The following PLAGL1 variants were observed in gnomAD, a reference collection of about 807,000 sequenced individuals.
PLAGL1 encodes the protein zinc finger protein PLAGL1.
Under a neutral mutation model 4.6 loss-of-function variants are expected in PLAGL1, and 1 was observed. That is an observed-to-expected ratio of 0.22 (90% CI 0.08 to 1.03). The LOEUF (loss-of-function observed/expected upper bound fraction) is 1.03, where lower values mean the gene tolerates loss of function less well. Among genes scored for constraint, PLAGL1 ranks in the 50% least tolerant of loss-of-function variants. The pLI is 0.58. For synonymous variants in PLAGL1, 240 were observed against 237.8 expected (o/e 1.01, Z -0.08); for missense variants, 464 against 570.4 (o/e 0.81, Z 1.90).
In PLAGL1 at chr6:143,963,141, G is replaced by A. The variant is rs552773937; in HGVS notation, c.-399+1646C>T. On this transcript the variant is annotated intron_variant, in intron 5 of 7. Coordinates refer to ENST00000674357, the MANE Select transcript of PLAGL1 (RefSeq NM_001317162.2). This position sits in a 1 kb window ranked among gnomAD's most constrained non-coding sequence, Gnocchi z 6.1. ...GAAGGGGTTGCTGGAAGTTGGAATAGATTTGTGGGCCTGGCAGCTGGTCTT... is the reference window on the plus strand; with the variant it reads ...GAAGGGGTTGCTGGAAGTTGGAATAAATTTGTGGGCCTGGCAGCTGGTCTT... 6.6e-6 allele frequency among the ~76,000 whole-genome samples: 1 copy of A among 152,190 alleles called. No individual in the cohort carries two copies. Among genetic ancestry groups the A allele is most frequent in the South Asian group, 2.1e-4 (1 of 4,836 alleles).
At chr6:144,023,768 CTTTTTTT>C (rs34002736) in intron 1 of PLAGL1, among the ~76,000 whole-genome samples, 3 of 72,664 alleles carry the variant, frequency 4.1e-5, no homozygotes, top group Non-Finnish European at 7.7e-5. Flanking sequence ...TCATATTTAG[CTTTTTTT>C]TTTTTTTTTT....
chr6:143,974,649 G>A lies in PLAGL1; in HGVS notation c.-543-5671C>T, dbSNP rs139607422. On this transcript the variant is annotated intron_variant, in intron 2 of 7. Coordinates refer to ENST00000674357, the MANE Select transcript of PLAGL1 (RefSeq NM_001317162.2). ...GCTAACTCTGGCATTGACTTGCTTTGGGCCTAGGGGACACATTTAACCCCT... is the reference window on the plus strand; with the variant it reads ...GCTAACTCTGGCATTGACTTGCTTTAGGCCTAGGGGACACATTTAACCCCT... Among the ~76,000 whole-genome samples, 566 of 152,150 alleles carry A rather than the reference G, an allele frequency of 3.7e-3. 1 individual carries two copies. The highest frequency in any genetic ancestry group is 0.012 in the African/African-American group (498 of 41,498).
In PLAGL1 at chr6:143,989,983, T is replaced by C. The variant is rs566068357; in HGVS notation, c.-583-4809A>G. The stretch of plus-strand genomic sequence containing the variant: ...ATCTCTAAACTCAGAAACTTCCCCA[T>C]ATCCACAGGAGGATGCACCCTCCCT... On this transcript the variant is annotated intron_variant, in intron 1 of 7. Transcript: ENST00000674357. The surrounding 1 kb of genome is among the most constrained non-coding windows in gnomAD (Gnocchi z 4.8). Among the ~76,000 whole-genome samples, 9 of 152,274 alleles carry C rather than the reference T, an allele frequency of 5.9e-5. 1 individual carries two copies. In the South Asian group the frequency reaches 1.9e-3, roughly 32 times the overall value.
rs555632668 is a variant in PLAGL1, at chr6:144,051,345, C to G, written c.-151+13123G>C. ...ATATTTAGATGCCAAACAGCTTCTC[C>G]TAGCACTTTCCTCACACTAATTCTA... On this transcript the variant is annotated intron_variant, in intron 1 of 3. Coordinates refer to the PLAGL1 transcript ENST00000437412. Among the ~76,000 whole-genome samples the G allele has an allele frequency of 2.4e-4, 36 of 152,348 alleles. No homozygotes were observed. In the South Asian group the frequency reaches 6.4e-3, roughly 27 times the overall value.
Position 143,941,476 on chromosome 6 carries a change from G to A in PLAGL1, c.1340C>T (p.Ser447Leu). Residue 447 changes from serine to leucine, a missense_variant, in exon 8 of 8, where the codon TCA (serine) becomes TTA (leucine). Physicochemically the swap from Ser to Leu is moderately radical, Grantham distance 145 (BLOSUM62 -2). Transcript: ENST00000674357. This position sits in a 1 kb window ranked among gnomAD's most constrained non-coding sequence, Gnocchi z 6.0. ...CAGGATGGCAGAGCCAGTGCCAGCT[G>A]AGAACACATGAGGGATGGGGGGCAG... ...LPLPPIPHVF[S>L]AGTGSAILPH... 1 of 1,514,954 alleles carries A rather than the reference G, an allele frequency of 6.6e-7. No homozygotes were observed. Among genetic ancestry groups the A allele is most frequent in the Non-Finnish European group, 8.8e-7 (1 of 1,132,464 alleles). The allele number at this position is 1,514,954 out of a possible 1,614,324, so 93.8% of individuals were successfully genotyped here.
rs552756888 is a variant in PLAGL1, at chr6:144,034,083, A to C, written c.-151+30385T>G. On this transcript the variant is annotated intron_variant, in intron 1 of 3. Coordinates refer to the PLAGL1 transcript ENST00000437412. This position sits in a 1 kb window ranked among gnomAD's most constrained non-coding sequence, Gnocchi z 4.7. Reference sequence around the variant, plus strand: ...TAGTACATATAAAACTGCAGACTTCAATTTTCCTGGAGTCTTTTATACTGT... The same window carrying C: ...TAGTACATATAAAACTGCAGACTTCCATTTTCCTGGAGTCTTTTATACTGT... Among the ~76,000 whole-genome samples, 1 of 152,326 alleles carries C rather than the reference A, an allele frequency of 6.6e-6. No individual in the cohort carries two copies. The highest frequency in any genetic ancestry group is 2.1e-4 in the South Asian group (1 of 4,830).
Position 144,008,026 on chromosome 6 carries a change from G to C in PLAGL1, c.-584+64C>G, listed in dbSNP as rs1196203446. 3 of 151,834 alleles carry C rather than the reference G, an allele frequency of 2.0e-5. No individual in the cohort carries two copies. The highest frequency in any genetic ancestry group is 2.1e-4 in the South Asian group (1 of 4,838). 9.4% of individuals were successfully genotyped at this position (151,834 alleles called of 1,614,324 possible). ...GAACCCAGCGCCGTCCTCGCAGCGC[G>C]GCAATGCACGGCCACCGCTGCCCCC... is the stretch of plus-strand genomic sequence containing the variant. On this transcript the variant is annotated intron_variant, in intron 1 of 7. Coordinates refer to ENST00000674357, the MANE Select transcript of PLAGL1 (RefSeq NM_001317162.2). The surrounding 1 kb of genome is among the most constrained non-coding windows in gnomAD (Gnocchi z 6.9).
At position 143,968,212 on chromosome 6, in the gene PLAGL1, A is replaced by C. The variant is rs1391079207; in HGVS notation, c.-472+695T>G. Reference sequence around the variant, plus strand: ...TATCTTGAAATAGGCAGTTCAAACAAATCCTAATCTTTACATGAGTGATAG... The same window carrying C: ...TATCTTGAAATAGGCAGTTCAAACACATCCTAATCTTTACATGAGTGATAG... On this transcript the variant is annotated intron_variant, in intron 3 of 7. Coordinates refer to ENST00000674357, the MANE Select transcript of PLAGL1 (RefSeq NM_001317162.2). This position sits in a 1 kb window ranked among gnomAD's most constrained non-coding sequence, Gnocchi z 6.3. 6.6e-6 allele frequency: 1 copy of C among 152,206 alleles called. No individual in the cohort carries two copies. Among genetic ancestry groups the C allele is most frequent in the Non-Finnish European group, 1.5e-5 (1 of 68,042 alleles). The allele number at this position is 152,206 out of a possible 1,614,324, so 9.4% of individuals were successfully genotyped here.
intron 1 of PLAGL1, among the ~76,000 whole-genome samples, chr6:144,044,924 T>C (rs1798014365): frequency 6.6e-6 from 1 of 151,598 alleles, no homozygotes; most frequent in African/African-American, 2.4e-5. Context: ...TACCATTATG[T>C]AATGGCCTTC....
chr6:143,948,092 G>A lies in PLAGL1; in HGVS notation c.45C>T (p.Thr15=), dbSNP rs772513575. Residue 15 remains threonine (T), a synonymous_variant, in exon 7 of 8, where the codon ACC becomes ACT. Coordinates refer to ENST00000674357, the MANE Select transcript of PLAGL1 (RefSeq NM_001317162.2). The surrounding 1 kb of genome is among the most constrained non-coding windows in gnomAD (Gnocchi z 6.0). Reference sequence around the variant, plus strand: ...AATTGTGAATCGTGAACTTCTCCAGGGTGAGGAACGTCTTGCCACATAACT... The same window carrying A: ...AATTGTGAATCGTGAACTTCTCCAGAGTGAGGAACGTCTTGCCACATAACT... ...PCQLCGKTFL[T]LEKFTIHNYS... 1.2e-6 allele frequency: 2 copies of A among 1,613,798 alleles called. No homozygotes were observed. Among genetic ancestry groups the A allele is most frequent in the African/African-American group, 1.3e-5 (1 of 74,900 alleles).
Position 144,000,028 on chromosome 6 carries a change from G to A in PLAGL1, c.-584+8062C>T, listed in dbSNP as rs1792500541. Reference sequence around the variant, plus strand: ...CATGGCAGCAGAGGAGCAGAACTAGGAATTGAATGCAAGCAATCTGGCTTC... The same window carrying A: ...CATGGCAGCAGAGGAGCAGAACTAGAAATTGAATGCAAGCAATCTGGCTTC... On this transcript the variant is annotated intron_variant, in intron 1 of 7. Coordinates refer to ENST00000674357, the MANE Select transcript of PLAGL1 (RefSeq NM_001317162.2). The surrounding 1 kb of genome is among the most constrained non-coding windows in gnomAD (Gnocchi z 4.1). 6.6e-6 allele frequency among the ~76,000 whole-genome samples: 1 copy of A among 152,094 alleles called. No homozygotes were observed. Among genetic ancestry groups the A allele is most frequent in the Non-Finnish European group, 1.5e-5 (1 of 67,972 alleles).
chr6:144,057,329 GCTTTTACTT>G (rs2128729295), intron 1 of PLAGL1, among the ~76,000 whole-genome samples: 1 of 152,308 alleles, frequency 6.6e-6, no homozygotes, highest in East Asian at 1.9e-4. Flanking sequence ...GAAATGTAAT[GCTTTTACTT>G]CTCCTAAACA....
rs1794296686 is a variant in PLAGL1, at chr6:144,006,787, C to A, written c.-584+1303G>T. 6.6e-6 allele frequency: 1 copy of A among 152,122 alleles called. No homozygotes were observed. The highest frequency in any genetic ancestry group is 6.5e-5 in the Admixed American group (1 of 15,280). The allele number at this position is 152,122 out of a possible 1,614,324, so 9.4% of individuals were successfully genotyped here. On this transcript the variant is annotated intron_variant, in intron 1 of 7. Transcript: ENST00000674357. The surrounding 1 kb of genome is among the most constrained non-coding windows in gnomAD (Gnocchi z 4.3). Reference sequence around the variant, plus strand: ...GACATGTATTAAAATTTATCTAGGGCAGTGGCTTTCAAACTTTTTTGTCCA... The same window carrying A: ...GACATGTATTAAAATTTATCTAGGGAAGTGGCTTTCAAACTTTTTTGTCCA...
intron 1 of PLAGL1, among the ~76,000 whole-genome samples, chr6:144,001,096 G>A (rs1792757197): frequency 6.6e-6 from 1 of 151,928 alleles, no homozygotes; most frequent in African/African-American, 2.4e-5. Flanking sequence ...TTGGAGAAAT[G>A]GCTGATTCTA....
intron 1 of PLAGL1, among the ~76,000 whole-genome samples, chr6:143,992,065 G>A (rs546194669): frequency 4.6e-5 from 7 of 152,318 alleles, no homozygotes; most frequent in African/African-American, 9.6e-5. Context: ...TTTGGACTTC[G>A]TTGGTTAGCT....
chr6:143,941,780 T>A lies in PLAGL1; in HGVS notation c.1036A>T (p.Asn346Tyr), dbSNP rs1356667674. Residue 346 changes from asparagine to tyrosine, a missense_variant, in exon 8 of 8, where the codon AAC (asparagine) becomes TAC (tyrosine). By Grantham distance (143) the Asn-to-Tyr change is moderately radical. Around this residue, in one of 4 missense-constraint regions of PLAGL1, gnomAD observed 248 missense variants for 250.1 expected, o/e 0.99. Coordinates refer to ENST00000674357, the MANE Select transcript of PLAGL1 (RefSeq NM_001317162.2). This position sits in a 1 kb window ranked among gnomAD's most constrained non-coding sequence, Gnocchi z 6.0. ...LQEPQSPQKL[N>Y]PGFDLAKGNA... ...CCCTTAGCCAGATCAAAACCTGGGT[T>A]GAGCTTTTGAGGTGACTGAGGCTCT... 1.2e-6 allele frequency: 2 copies of A among 1,614,094 alleles called. No individual in the cohort carries two copies. The highest frequency in any genetic ancestry group is 1.7e-5 in the Admixed American group (1 of 60,028).
chr6:144,034,588 G>A lies in PLAGL1; in HGVS notation c.-151+29880C>T, dbSNP rs1438279009. ...TAATTCAGTCCTCCAGCAAAGAAAA[G>A]TGGGAGGCCCCGACAAATTGTCATT... On this transcript the variant is annotated intron_variant, in intron 1 of 3. Transcript: ENST00000437412. The surrounding 1 kb of genome is among the most constrained non-coding windows in gnomAD (Gnocchi z 4.7). 1.3e-5 allele frequency among the ~76,000 whole-genome samples: 2 copies of A among 152,210 alleles called. No homozygotes were observed. Among genetic ancestry groups the A allele is most frequent in the Admixed American group, 6.5e-5 (1 of 15,286 alleles).
chr6:143,965,677 G>C lies in PLAGL1; in HGVS notation c.-431+481C>G, dbSNP rs541633918. Reference sequence around the variant, plus strand: ...CACAAGGCAAGGAACACGGAAGCTAGGGTGTGTTGGGCAAGTAAGCAGAGG... The same window carrying C: ...CACAAGGCAAGGAACACGGAAGCTACGGTGTGTTGGGCAAGTAAGCAGAGG... On this transcript the variant is annotated intron_variant, in intron 4 of 7. Transcript: ENST00000674357. The surrounding 1 kb of genome is among the most constrained non-coding windows in gnomAD (Gnocchi z 7.5). 8.5e-5 allele frequency: 13 copies of C among 152,386 alleles called. No homozygotes were observed. Among genetic ancestry groups the C allele is most frequent in the African/African-American group, 3.1e-4 (13 of 41,556 alleles). 9.4% of individuals were successfully genotyped at this position (152,386 alleles called of 1,614,324 possible). A position where few individuals can be genotyped will look rare whatever the true frequency, so the allele number is the denominator to read the frequency against.
chr6:144,002,513 T>TAAAAAC (rs753500510), intron 1 of PLAGL1, among the ~76,000 whole-genome samples: 2 of 151,972 alleles, frequency 1.3e-5, no homozygotes, highest in Admixed American at 1.3e-4. Flanking sequence ...GACAGCACAT[T>TAAAAAC]AAAAACAAAA....
Sources: allele counts gnomAD v4.1 joint callset (sites outside exome capture counted in the v4.1 genomes callset), GRCh38; gene constraint gnomAD v4.1.1; regional missense constraint gnomAD v4.1.1; non-coding constraint Gnocchi (gnomAD v3.1); transcripts MANE v1.5; gene names NCBI Gene and HGNC (gene_info 2026-07-23, HGNC 2026-07-21).